The following RBM18 variants were observed in gnomAD, a reference collection of about 807,000 sequenced individuals.
RBM18 encodes probable RNA-binding protein 18.
Under a neutral mutation model 26.4 loss-of-function variants are expected in RBM18, and 18 were observed. The observed-to-expected ratio is 0.68, with a 90% CI of 0.47 to 1.01. The LOEUF (loss-of-function observed/expected upper bound fraction) is 1.01. RBM18 is among the 50% of genes least tolerant of loss of function. The pLI is 0.00. For missense variants in RBM18, 180 were observed against 219.2 expected (o/e 0.82, Z 1.13); for synonymous variants, 74 against 81.1 (o/e 0.91, Z 0.47).
chr9:122,243,702 T>C, intron 5 of RBM18: 1 of 984,696 alleles, frequency 1.0e-6, no homozygotes, highest in Non-Finnish European at 1.2e-6. Context: ...GGGCGAGAAA[T>C]TTAAAAACTA....
chr9:122,249,981 G>T (rs948740518), intron 3 of RBM18, among the ~76,000 whole-genome samples: 1 of 146,616 alleles, frequency 6.8e-6, no homozygotes, highest in Non-Finnish European at 1.5e-5. Context: ...TGAGGTGGGA[G>T]GATCACTTGA....
At chr9:122,256,412 G>A (rs1040782482) in intron 2 of RBM18, among the ~76,000 whole-genome samples, 3 of 152,068 alleles carry the variant, frequency 2.0e-5, no homozygotes, top group Admixed American at 1.3e-4. Flanking sequence ...CAGCGGCTAC[G>A]ACTTTGGCAT....
chr9:122,264,459 G>C (rs1310498857), intron 1 of RBM18: 1 of 152,238 alleles, frequency 6.6e-6, no homozygotes, highest in Non-Finnish European at 1.5e-5. Context: ...AGTCATCTGG[G>C]GAAAGTGCAA....
chr9:122,257,361 T>C (rs1473267743), intron 2 of RBM18, among the ~76,000 whole-genome samples: 1 of 152,202 alleles, frequency 6.6e-6, no homozygotes, highest in Non-Finnish European at 1.5e-5. Flanking sequence ...TTAGCCGGGA[T>C]GGTCTCGATC....
chr9:122,245,358 G>GA lies in RBM18; in HGVS notation c.328-18dup. On this transcript the variant is annotated splice_polypyrimidine_tract_variant and intron_variant, in intron 4 of 5. Transcript: ENST00000417201. ...ATCATATCTCTGAAAATGAGAAATA[G>GA]AGAAATTACTTCACATGGGCAGAAA... The GA allele has an allele frequency of 6.5e-7, 1 of 1,527,084 alleles. No homozygotes were observed. Among genetic ancestry groups the GA allele is most frequent in the South Asian group, 1.1e-5 (1 of 89,210 alleles). 94.6% of individuals were successfully genotyped at this position (1,527,084 alleles called of 1,614,324 possible).
At chr9:122,252,965 C>A (rs1554814312) in intron 2 of RBM18, among the ~76,000 whole-genome samples, 1 of 152,190 alleles carries the variant, frequency 6.6e-6, no homozygotes, top group Non-Finnish European at 1.5e-5. Context: ...GGGGGTGAGA[C>A]AAACCAACAG....
In RBM18 at chr9:122,254,007, G is replaced by A. The variant is rs1354829218; in HGVS notation, c.114-2034C>T. On this transcript the variant is annotated intron_variant, in intron 2 of 5. Coordinates refer to ENST00000417201, the MANE Select transcript of RBM18 (RefSeq NM_033117.4). ...CGCACCACTGCACTCCAGCCTGGGC[G>A]ACAGAGCAAGATTCCGTCTCAAAAA... 2.8e-5 allele frequency among the ~76,000 whole-genome samples: 4 copies of A among 144,638 alleles called. No homozygotes were observed. In the South Asian group the frequency reaches 6.6e-4, roughly 24 times the overall value. 94.9% of individuals were successfully genotyped at this position (144,638 alleles called of 152,430 possible). A position where few individuals can be genotyped will look rare whatever the true frequency, so the allele number is the denominator to read the frequency against.
intron 2 of RBM18, among the ~76,000 whole-genome samples, chr9:122,252,954 TGGG>T (rs1831627588): frequency 1.3e-5 from 2 of 152,180 alleles, no homozygotes; most frequent in Non-Finnish European, 2.9e-5. Context: ...TCATCTGATG[TGGG>T]GGTGAGACAA....
At chr9:122,256,036 G>C (rs1043347184) in intron 2 of RBM18, among the ~76,000 whole-genome samples, 1 of 148,388 alleles carries the variant, frequency 6.7e-6, no homozygotes, top group South Asian at 2.1e-4. Flanking sequence ...GTCTCAAAAA[G>C]AAAACAACAA....
chr9:122,254,289 A>T, intron 2 of RBM18: 1 of 935,778 alleles, frequency 1.1e-6, no homozygotes, highest in Non-Finnish European at 1.3e-6. Flanking sequence ...GATTCCAGGA[A>T]CATCTGCTTA....
At chr9:122,250,811 G>T (rs922164610) in intron 3 of RBM18, among the ~76,000 whole-genome samples, 21 of 151,882 alleles carry the variant, frequency 1.4e-4, no homozygotes, top group Admixed American at 4.6e-4. Context: ...CTGGGTATTA[G>T]GCCAAGTGAT....
chr9:122,252,025 T>G (rs1831612765), intron 2 of RBM18, 52 bp from the exon 3 acceptor site: 11 of 1,606,060 alleles, frequency 6.8e-6, no homozygotes, highest in East Asian at 2.2e-5. Flanking sequence ...TGTTGGCCAC[T>G]CAGCCTGAAG....
At chr9:122,255,594 GA>G (rs1347725277) in intron 2 of RBM18, among the ~76,000 whole-genome samples, 2 of 152,114 alleles carry the variant, frequency 1.3e-5, no homozygotes, top group Non-Finnish European at 2.9e-5. Flanking sequence ...CCTCAGGCAA[GA>G]AACCTCAGGA....
At chr9:122,252,317 T>C (rs767906599) in intron 2 of RBM18, among the ~76,000 whole-genome samples, 18 of 152,246 alleles carry the variant, frequency 1.2e-4, no homozygotes, top group Non-Finnish European at 2.5e-4. Flanking sequence ...TTTAATTCCT[T>C]GGCAATGAAA....
chr9:122,245,979 C>CT (rs1831500042), intron 4 of RBM18, among the ~76,000 whole-genome samples: 1 of 152,074 alleles, frequency 6.6e-6, no homozygotes. Context: ...GTGACACAGC[C>CT]AGACCCTATC....
chr9:122,242,034 T>C lies in RBM18; in HGVS notation c.423A>G (p.Ala141=). The C allele has an allele frequency of 6.2e-7, 1 of 1,614,022 alleles. No individual in the cohort carries two copies. The highest frequency in any genetic ancestry group is 8.5e-7 in the Non-Finnish European group (1 of 1,179,962). Residue 141 remains alanine, a synonymous_variant, in exon 6 of 6, where the codon GCA becomes GCG. Transcript: ENST00000417201. The part of the protein sequence containing the change: ...EPTQSNLSVT[A]KIKAIEAKLK... ...GTTTTGCTTCAATGGCTTTTATCTT[T>C]GCAGTGACACTGGAAAAATAATAGC...
intron 5 of RBM18, among the ~76,000 whole-genome samples, chr9:122,244,823 T>A (rs948472996): frequency 6.6e-6 from 1 of 152,214 alleles, no homozygotes; most frequent in Non-Finnish European, 1.5e-5. Context: ...GAACCAAAAC[T>A]GTTATGGCTG....
At chr9:122,262,287 A>G (rs577079594) in intron 1 of RBM18, among the ~76,000 whole-genome samples, 4 of 133,016 alleles carry the variant, frequency 3.0e-5, no homozygotes, top group Non-Finnish European at 7.1e-5. Context: ...AGCCCTGTGC[A>G]AGTTACTTAA....
At chr9:122,260,466 G>T (rs1233524103) in intron 2 of RBM18, among the ~76,000 whole-genome samples, 1 of 152,140 alleles carries the variant, frequency 6.6e-6, no homozygotes, top group Non-Finnish European at 1.5e-5. Context: ...CAAATAACTG[G>T]CAGAAGGGAA....
Sources: gnomAD v4.1 joint callset for allele counts (sites outside exome capture counted in the v4.1 genomes callset) on GRCh38, gnomAD v4.1.1 for gene constraint, MANE v1.5 for transcripts, NCBI Gene and HGNC (gene_info 2026-07-23, HGNC 2026-07-21) for gene names.